Variants in MAGI1 observed in about 807,000 individuals in gnomAD.
MAGI1 encodes membrane-associated guanylate kinase, WW and PDZ domain-containing protein 1.
MAGI1 carries 58 observed loss-of-function variants against 139.9 expected under a neutral mutation model. The observed-to-expected ratio is 0.41, with a 90% confidence interval of 0.34 to 0.52. MAGI1 has a LOEUF of 0.52. Ranked by LOEUF, MAGI1 falls within the 20% of genes least tolerant of loss-of-function variation. The probability of loss-of-function intolerance (pLI) is 0.12; values close to 1 mark genes in which losing one functional copy is unlikely to be tolerated. For synonymous variants in MAGI1, 812 were observed against 737.9 expected, an observed-to-expected ratio of 1.10 and a Z score of -1.63; for missense variants, 1,874 against 1,901.6, an observed-to-expected ratio of 0.99 and a Z score of 0.27.
chr3:65,465,000 T>C (rs1006950060), intron 5 of MAGI1, among the ~76,000 whole-genome samples: 5 of 148,084 alleles, frequency 3.4e-5, no homozygotes, highest in Non-Finnish European at 4.5e-5. Flanking sequence ...TATATATATA[T>C]ATAATCTATA....
At chr3:65,415,020 C>CAAAAAAAAAAAAAAAAAAA (rs60234120) in intron 12 of MAGI1, among the ~76,000 whole-genome samples, 1 of 122,114 alleles carries the variant, frequency 8.2e-6, no homozygotes, top group Non-Finnish European at 1.7e-5. Context: ...AAAAAAAAAA[C>CAAAAAAAAAAAAAAAAAAA]AAAAAAAAAA....
intron 1 of MAGI1, among the ~76,000 whole-genome samples, chr3:66,015,460 GA>G (rs969128396): frequency 1.3e-4 from 19 of 144,780 alleles, no homozygotes; most frequent in Admixed American, 2.8e-4. Flanking sequence ...TAACAGCAGT[GA>G]AAAAAAAAAA....
chr3:65,911,088 C>T (rs2061648045), intron 1 of MAGI1, among the ~76,000 whole-genome samples: 1 of 151,478 alleles, frequency 6.6e-6, no homozygotes, highest in Admixed American at 6.6e-5. Flanking sequence ...GAACTCCTGA[C>T]CTCAGGCGAT....
At chr3:65,424,425 T>C (rs770635851) in intron 12 of MAGI1, among the ~76,000 whole-genome samples, 22 of 152,168 alleles carry the variant, frequency 1.4e-4, no homozygotes, top group Admixed American at 7.9e-4. Flanking sequence ...GTCAAACACA[T>C]TACTGCTCTC....
intron 8 of MAGI1, among the ~76,000 whole-genome samples, chr3:65,440,856 C>CAT (rs1265869231): frequency 1.5e-5 from 2 of 137,480 alleles, no homozygotes; most frequent in African/African-American, 5.2e-5. Context: ...CATATGTATA[C>CAT]ATATATATGT....
chr3:65,674,484 G>A (rs1384323045), intron 1 of MAGI1, among the ~76,000 whole-genome samples: 1 of 152,198 alleles, frequency 6.6e-6, no homozygotes, highest in Non-Finnish European at 1.5e-5. Context: ...CAAGGTGTCA[G>A]AGGCTATGCA....
At chr3:65,801,476 C>T (rs12630971) in intron 1 of MAGI1, among the ~76,000 whole-genome samples, 44,519 of 151,966 alleles carry the variant, frequency 0.29, 6,772 homozygotes, top group East Asian at 0.42. Context: ...GATGAATAAC[C>T]GTACTTGGAT....
intron 1 of MAGI1, among the ~76,000 whole-genome samples, chr3:65,830,445 C>T (rs2042462065): frequency 6.6e-6 from 1 of 152,136 alleles, no homozygotes; most frequent in African/African-American, 2.4e-5. Context: ...ATGATTGGTT[C>T]AACCACGGCT....
chr3:65,865,096 CACA>C (rs1559956474), intron 1 of MAGI1, among the ~76,000 whole-genome samples: 1 of 152,148 alleles, frequency 6.6e-6, no homozygotes, highest in African/African-American at 2.4e-5. Flanking sequence ...ATGCCATACA[CACA>C]ACTACATAGA....
At chr3:65,667,756 G>A (rs2086617566) in intron 1 of MAGI1, among the ~76,000 whole-genome samples, 1 of 152,036 alleles carries the variant, frequency 6.6e-6, no homozygotes, top group Admixed American at 6.6e-5. Flanking sequence ...TAGCAATGGT[G>A]TTCTGCCATG....
intron 1 of MAGI1, among the ~76,000 whole-genome samples, chr3:65,834,263 T>C (rs1575646365): frequency 6.6e-6 from 1 of 152,224 alleles, no homozygotes; most frequent in East Asian, 1.9e-4. Flanking sequence ...TGAAATGGCA[T>C]TGAATTTAAA....
At chr3:65,897,242 AC>A (rs144672920) in intron 1 of MAGI1, among the ~76,000 whole-genome samples, 1,919 of 152,288 alleles carry the variant, frequency 0.013, 38 homozygotes, top group African/African-American at 0.044. Context: ...ATAAACATGT[AC>A]CACACTCTTT....
intron 9 of MAGI1, among the ~76,000 whole-genome samples, chr3:65,439,256 C>T (rs1948068288): frequency 1.3e-5 from 2 of 152,230 alleles, no homozygotes; most frequent in Middle Eastern, 6.8e-3. Context: ...ACAGGTCTCA[C>T]ATACATACTA....
At chr3:65,846,992 A>C (rs1341813961) in intron 1 of MAGI1, among the ~76,000 whole-genome samples, 1 of 144,810 alleles carries the variant, frequency 6.9e-6, no homozygotes, top group East Asian at 2.0e-4. Context: ...AAAAAAAAAA[A>C]AAAACCCTAA....
intron 20 of MAGI1, among the ~76,000 whole-genome samples, chr3:65,364,257 C>T (rs1941187163): frequency 6.7e-6 from 1 of 150,230 alleles, no homozygotes; most frequent in Non-Finnish European, 1.5e-5. Flanking sequence ...AGTATTTTCA[C>T]ACTCTCCCTC....
At chr3:65,795,627 GAAGTTT>G (rs1261620567) in intron 1 of MAGI1, among the ~76,000 whole-genome samples, 1 of 150,164 alleles carries the variant, frequency 6.7e-6, no homozygotes, top group Non-Finnish European at 1.5e-5. Context: ...CTCAGAATAA[GAAGTTT>G]AACTTAAAAT....
intron 4 of MAGI1, among the ~76,000 whole-genome samples, chr3:65,477,711 A>ATTATTATTATTTTTT (rs376492339): frequency 7.8e-5 from 11 of 141,608 alleles, no homozygotes; most frequent in African/African-American, 2.8e-4. Context: ...TATTATTATT[A>ATTATTATTATTTTTT]TTTTTTTTTT....
At chr3:65,595,817 A>G (rs1422637352) in intron 2 of MAGI1, among the ~76,000 whole-genome samples, 3 of 782 alleles carry the variant, frequency 3.8e-3, no homozygotes, top group Non-Finnish European at 6.9e-3. Context: ...TGGGGTGGGT[A>G]GGGTGGGTAG....
chr3:65,960,269 G>C (rs893849492), intron 1 of MAGI1, among the ~76,000 whole-genome samples: 2 of 152,174 alleles, frequency 1.3e-5, no homozygotes, highest in East Asian at 3.9e-4. Flanking sequence ...TCCTCATGTG[G>C]AAAAGCTCCC....
Sources: gnomAD v4.1 joint callset for allele counts (sites outside exome capture counted in the v4.1 genomes callset) on GRCh38, gnomAD v4.1.1 for gene constraint, MANE v1.5 for transcripts, NCBI Gene and HGNC (gene_info 2026-07-23, HGNC 2026-07-21) for gene names.